Variants in METTL8 observed in about 807,000 individuals in gnomAD.
METTL8 encodes the protein methyltransferase 8, tRNA N3-cytidine, also known as tRNA N(3)-cytidine methyltransferase METTL8, mitochondrial.
In METTL8, 32 loss-of-function variants were observed where a neutral mutation model predicts 48.7. That is an observed-to-expected ratio of 0.66 (90% CI 0.50 to 0.88). The LOEUF (loss-of-function observed/expected upper bound fraction) is 0.88, where lower values mean the gene tolerates loss of function less well. Ranked by LOEUF, METTL8 falls within the 40% of genes least tolerant of loss-of-function variation. The pLI, the probability that METTL8 is intolerant of heterozygous loss-of-function variation, is 0.00. For synonymous variants in METTL8, 136 were observed against 157.1 expected (o/e 0.87, Z 1.01); for missense variants, 464 against 474.4 (o/e 0.98, Z 0.20).
chr2:171,339,374 T>C lies in METTL8; in HGVS notation c.416A>G (p.Asn139Ser). ...AGGACAGTGCATTCTTGAGAAACGA[T>C]TTGTAGCACTAGTTTTTACATGATC... is the stretch of plus-strand genomic sequence containing the variant. ...SWDHVKTSAT[N>S]RFSRMHCPTV... The change falls in exon 4 of 10, where the codon AAT (asparagine) becomes AGT (serine). Residue 139 changes from asparagine (N) to serine (S), a missense_variant. Physicochemically the swap from Asn to Ser is conservative, Grantham distance 46. Coordinates refer to ENST00000375258, the MANE Select transcript of METTL8 (RefSeq NM_001321154.2). 6.2e-7 allele frequency: 1 copy of C among 1,613,380 alleles called. No individual in the cohort carries two copies. The highest frequency in any genetic ancestry group is 8.5e-7 in the Non-Finnish European group (1 of 1,179,578).
intron 7 of METTL8, among the ~76,000 whole-genome samples, chr2:171,326,555 A>G (rs978086923): frequency 7.9e-5 from 12 of 152,228 alleles, no homozygotes; most frequent in Non-Finnish European, 1.3e-4. Context: ...CAAGTTGTAC[A>G]TATCTAAAGA....
chr2:171,369,795 C>T (rs1040478533), intron 2 of METTL8, among the ~76,000 whole-genome samples: 7 of 151,974 alleles, frequency 4.6e-5, no homozygotes, highest in African/African-American at 7.3e-5. Context: ...AGGCTGGTCA[C>T]GGTGGCTCAC....
rs1055327880 is a variant in METTL8 at position 171,319,609 on chromosome 2, T to C, written c.*4563A>G. On this transcript the variant is annotated 3_prime_UTR_variant, in exon 10 of 10. Coordinates refer to ENST00000375258, the MANE Select transcript of METTL8 (RefSeq NM_001321154.2). ...GTAGAAACCGGGACGTGTTCACAAT[T>C]TGTAGACAAAGCATATGGAATCGAG... 4.6e-5 allele frequency: 7 copies of C among 152,334 alleles called. No homozygotes were observed. Among genetic ancestry groups the C allele is most frequent in the African/African-American group, 1.4e-4 (6 of 41,572 alleles). The allele number at this position is 152,334 out of a possible 1,614,324, so 9.4% of individuals were successfully genotyped here.
intron 1 of METTL8, among the ~76,000 whole-genome samples, chr2:171,417,272 T>C (rs1403816583): frequency 6.6e-6 from 1 of 152,198 alleles, no homozygotes; most frequent in African/African-American, 2.4e-5. Context: ...TCTCGATGAT[T>C]TTCCCCATGA....
Position 171,339,248 on chromosome 2 carries a change from T to C in METTL8, c.542A>G (p.His181Arg), listed in dbSNP as rs768278807. The change falls in exon 4 of 10, where the codon CAC (histidine) becomes CGC (arginine). Residue 181 changes from histidine (H) to arginine (R), a missense_variant. Coordinates refer to ENST00000375258, the MANE Select transcript of METTL8 (RefSeq NM_001321154.2). Reference protein sequence around the residue: ...SDFSNLDSEKHKKGPMETGLF... With the variant: ...SDFSNLDSEKRKKGPMETGLF... ...TCCAGTCTCCATAGGTCCTTTTTTG[T>C]GTTTTTCAGAGTCTAGGTTGGAAAA... 9.3e-6 allele frequency: 15 copies of C among 1,607,048 alleles called. No individual in the cohort carries two copies. In the East Asian group the frequency reaches 3.3e-4, roughly 36 times the overall value.
intron 6 of METTL8, 53 bp from the exon 7 acceptor site, chr2:171,330,751 ATTTT>A: frequency 8.4e-7 from 1 of 1,196,364 alleles, no homozygotes; most frequent in Non-Finnish European, 1.1e-6. Context: ...GACTTCCGGG[ATTTT>A]TTTTTTTTTA....
chr2:171,403,633 A>G (rs1404147861), intron 1 of METTL8, among the ~76,000 whole-genome samples: 1 of 152,162 alleles, frequency 6.6e-6, no homozygotes, highest in Non-Finnish European at 1.5e-5. Context: ...TAACAAATGT[A>G]CCATACGAAT....
At chr2:171,411,118 A>G (rs757987938) in intron 1 of METTL8, among the ~76,000 whole-genome samples, 19 of 152,250 alleles carry the variant, frequency 1.2e-4, no homozygotes, top group Non-Finnish European at 2.9e-5. Flanking sequence ...GAAGAAAGCT[A>G]TACAACTGTA....
At chr2:171,361,612 C>T (rs1416116818) in intron 2 of METTL8, among the ~76,000 whole-genome samples, 1 of 151,982 alleles carries the variant, frequency 6.6e-6, no homozygotes, top group Non-Finnish European at 1.5e-5. Flanking sequence ...TTTCAAAAAT[C>T]CTTTGATAGG....
intron 5 of METTL8, among the ~76,000 whole-genome samples, chr2:171,336,433 A>C (rs1206989996): frequency 5.1e-4 from 52 of 101,824 alleles, no homozygotes; most frequent in Admixed American, 9.9e-4. Context: ...ACGGAGTCTC[A>C]CTCTGTCGCC....
chr2:171,429,099 T>C (rs570068684), intron 1 of METTL8, among the ~76,000 whole-genome samples: 11 of 151,932 alleles, frequency 7.2e-5, no homozygotes, highest in African/African-American at 2.4e-4. Context: ...AAACCTTTCA[T>C]TTTCAATTTG....
At chr2:171,434,027 C>A (rs1013351753), upstream of METTL8, 2 of 279,028 alleles carry the variant, frequency 7.2e-6, no homozygotes, top group Non-Finnish European at 1.4e-5. Flanking sequence ...AAGTGCAGGG[C>A]GCACACACGG....
At chr2:171,379,250 G>T (rs1228074223) in intron 2 of METTL8, among the ~76,000 whole-genome samples, 1 of 152,126 alleles carries the variant, frequency 6.6e-6, no homozygotes, top group Non-Finnish European at 1.5e-5. Flanking sequence ...CTGGAATGCA[G>T]CTAAAGCAGT....
At chr2:171,407,302 T>C (rs900556802) in intron 1 of METTL8, among the ~76,000 whole-genome samples, 1 of 151,186 alleles carries the variant, frequency 6.6e-6, no homozygotes, top group South Asian at 2.1e-4. Context: ...GCCTTGATCA[T>C]GCCTAGGTGA....
chr2:171,354,634 A>T (rs190334936), intron 3 of METTL8, among the ~76,000 whole-genome samples: 1 of 152,226 alleles, frequency 6.6e-6, no homozygotes, highest in Non-Finnish European at 1.5e-5. Flanking sequence ...ATAGTCCCAT[A>T]TTACTTGGAG....
At chr2:171,399,518 C>T (rs1193422102) in intron 1 of METTL8, among the ~76,000 whole-genome samples, 1 of 152,066 alleles carries the variant, frequency 6.6e-6, no homozygotes, top group Non-Finnish European at 1.5e-5. Context: ...CCACAATGAG[C>T]ATAGTGGCAA....
chr2:171,434,297 G>C (rs1322171539), upstream of METTL8: 1 of 597,770 alleles, frequency 1.7e-6, no homozygotes, highest in Non-Finnish European at 3.1e-6. Context: ...GGCCGGCCGC[G>C]CGGTACCGGA....
intron 1 of METTL8, among the ~76,000 whole-genome samples, chr2:171,405,866 A>G (rs934535003): frequency 3.3e-5 from 5 of 152,182 alleles, no homozygotes; most frequent in Admixed American, 1.3e-4. Context: ...TCCTTTCCCA[A>G]TGAGCTCTTC....
At chr2:171,354,664 ACT>A (rs1684326145) in intron 3 of METTL8, among the ~76,000 whole-genome samples, 1 of 151,572 alleles carries the variant, frequency 6.6e-6, no homozygotes, top group African/African-American at 2.4e-5. Flanking sequence ...GTTTCTTTTT[ACT>A]CTTTTTTCTC....
Sources: allele counts gnomAD v4.1 joint callset (sites outside exome capture counted in the v4.1 genomes callset), GRCh38; gene constraint gnomAD v4.1.1; transcripts MANE v1.5; gene names NCBI Gene and HGNC (gene_info 2026-07-23, HGNC 2026-07-21).